The following EDRF1 variants were observed in gnomAD, a reference collection of about 807,000 sequenced individuals.
The protein encoded by EDRF1 is erythroid differentiation regulatory factor 1, also known as erythroid differentiation-related factor 1.
Under a neutral mutation model 148.7 loss-of-function variants are expected in EDRF1, and 69 were observed. The observed-to-expected ratio is 0.46, with a 90% confidence interval of 0.38 to 0.57. The LOEUF is 0.57. Among genes scored for constraint, EDRF1 ranks in the 20% least tolerant of loss-of-function variants. EDRF1 has a pLI of 0.00. For missense variants in EDRF1, 1,118 were observed against 1,478.7 expected (o/e 0.76, Z 4.00); for synonymous variants, 515 against 532.8 (o/e 0.97, Z 0.46).
At chr10:125,727,134 A>G (rs1369472466) in intron 6 of EDRF1, among the ~76,000 whole-genome samples, 1 of 152,182 alleles carries the variant, frequency 6.6e-6, no homozygotes, top group African/African-American at 2.4e-5. Flanking sequence ...CGAAACTCTC[A>G]GGCTAGGGCT....
chr10:125,722,899 G>GA (rs941090596), intron 2 of EDRF1, among the ~76,000 whole-genome samples, 169 bp from the exon 3 acceptor site: 4 of 151,194 alleles, frequency 2.6e-5, no homozygotes, highest in Non-Finnish European at 4.4e-5. Context: ...GTACCACTAA[G>GA]AAAAAAAAAC....
chr10:125,733,723 G>A lies in EDRF1; in HGVS notation c.1365G>A (p.Pro455=), dbSNP rs370818872. ...AATACCAAAATCCATTCACAATGCC[G>A]GTAGCCATTCTCTTGTACAAGTGAG... The part of the protein sequence containing the change: ...EDKYQNPFTM[P]VAILLYKVAC... The change falls in exon 11 of 25, where the codon CCG becomes CCA. Residue 455 remains proline, a synonymous_variant. Coordinates refer to ENST00000356792, the MANE Select transcript of EDRF1 (RefSeq NM_001202438.2). The A allele has an allele frequency of 9.9e-6, 16 of 1,612,806 alleles. No individual in the cohort carries two copies. The East Asian group carries it at 1.6e-4, about 16-fold the overall frequency.
At position 125,735,885 on chromosome 10, in the gene EDRF1, A is replaced by G. The variant is rs765646183; in HGVS notation, c.1739A>G (p.Lys580Arg). ...VGELSVPEKY[K>R]SIHQIRPSCA... ...GAACTATCAGTACCAGAAAAATACA[A>G]ATCTATTCATCAAATCAGAGTAAGC... The change falls in exon 13 of 25, where the codon AAA becomes AGA. Residue 580 changes from lysine (K) to arginine (R), a missense_variant. Lys to Arg is a conservative substitution (Grantham distance 26, BLOSUM62 2). Around this residue, in one of 3 missense-constraint regions of EDRF1, gnomAD observed 954 missense variants for 1,241.4 expected, o/e 0.77. Coordinates refer to ENST00000356792, the MANE Select transcript of EDRF1 (RefSeq NM_001202438.2). The G allele has an allele frequency of 1.2e-6, 2 of 1,609,424 alleles. No homozygotes were observed. Among genetic ancestry groups the G allele is most frequent in the Non-Finnish European group, 1.7e-6 (2 of 1,176,600 alleles).
intron 17 of EDRF1, 162 bp from the exon 18 acceptor site, chr10:125,742,896 C>A: frequency 1.2e-6 from 1 of 844,438 alleles, no homozygotes; most frequent in Non-Finnish European, 1.4e-6. Flanking sequence ...ATAAATAGAT[C>A]TTTATTATGA....
chr10:125,720,313 A>G (rs1268999957), intron 1 of EDRF1, among the ~76,000 whole-genome samples: 1 of 152,164 alleles, frequency 6.6e-6, no homozygotes, highest in Non-Finnish European at 1.5e-5. Context: ...TTGAACCCAG[A>G]CGCCGAACTT....
intron 24 of EDRF1, among the ~76,000 whole-genome samples, chr10:125,759,196 C>G (rs1203060814): frequency 6.6e-6 from 1 of 152,184 alleles, no homozygotes; most frequent in Non-Finnish European, 1.5e-5. Context: ...CCTGACTCCA[C>G]AGAGGCCCTA....
intron 18 of EDRF1, among the ~76,000 whole-genome samples, chr10:125,744,219 CTTTTT>C (rs779660582): frequency 1.5e-5 from 2 of 135,338 alleles, no homozygotes; most frequent in East Asian, 2.1e-4. Context: ...TTGGTTGTTT[CTTTTT>C]TTTTTTTTTT....
intron 20 of EDRF1, 34 bp from the exon 21 acceptor site, chr10:125,747,829 C>CTTAT: frequency 6.2e-7 from 1 of 1,613,756 alleles, no homozygotes; most frequent in Non-Finnish European, 8.5e-7. Context: ...AGATTAGAAG[C>CTTAT]TTATTTTTTT....
chr10:125,740,409 G>T, intron 15 of EDRF1, 54 bp from the exon 16 acceptor site: 1 of 1,569,716 alleles, frequency 6.4e-7, no homozygotes. Flanking sequence ...TTTTGTGCAT[G>T]AGACTTACAG....
intron 2 of EDRF1, among the ~76,000 whole-genome samples, chr10:125,722,377 G>A (rs1044295982): frequency 1.3e-5 from 2 of 152,202 alleles, no homozygotes; most frequent in East Asian, 1.9e-4. Context: ...GCTGAGAAGA[G>A]CTAAATAATT....
chr10:125,723,772 A>G, intron 3 of EDRF1, 39 bp from the exon 4 acceptor site: 3 of 1,584,432 alleles, frequency 1.9e-6, no homozygotes, highest in Non-Finnish European at 2.6e-6. Context: ...TCACACTAAA[A>G]CAGTCTTTCT....
Position 125,723,956 on chromosome 10 carries a change from A to G in EDRF1, c.510+20A>G. On this transcript the variant is annotated intron_variant, in intron 4 of 24. Transcript: ENST00000356792. ...TCTCAGGTAATGCTTTTGTGAAAAA[A>G]TCCAACAAAACATTAACAGCTTAAG... 1 of 1,612,398 alleles carries G rather than the reference A, an allele frequency of 6.2e-7. No individual in the cohort carries two copies. Among genetic ancestry groups the G allele is most frequent in the South Asian group, 1.1e-5 (1 of 90,966 alleles).
chr10:125,722,038 G>A (rs190802119), intron 2 of EDRF1, among the ~76,000 whole-genome samples: 1 of 152,222 alleles, frequency 6.6e-6, no homozygotes, highest in Admixed American at 6.5e-5. Context: ...GTAGCAAGAG[G>A]CACAAATACA....
At position 125,730,329 on chromosome 10, in the gene EDRF1, A is replaced by G. The variant is rs1414614549; in HGVS notation, c.1058A>G (p.Tyr353Cys). ...KPINVLTGID[Y>C]WLDNLICNVP... ...ATTAATGTGCTAACTGGAATTGACT[A>G]TTGGTTGGACAACTTGATATGCAAT... Residue 353 changes from tyrosine to cysteine, a missense_variant, in exon 9 of 25, where the codon TAT becomes TGT. Tyr to Cys is a radical substitution (Grantham distance 194). This residue lies in a region of EDRF1 where 954 missense variants were observed against 1,241.4 expected (regional missense o/e 0.77). Transcript: ENST00000356792. 9.9e-6 allele frequency: 16 copies of G among 1,613,848 alleles called. No homozygotes were observed. The highest frequency in any genetic ancestry group is 1.3e-5 in the African/African-American group (1 of 74,922).
intron 24 of EDRF1, among the ~76,000 whole-genome samples, chr10:125,758,676 T>G (rs375582850): frequency 4.4e-4 from 67 of 152,300 alleles, no homozygotes; most frequent in African/African-American, 1.6e-3. Flanking sequence ...TACCTTCAGC[T>G]CTAGGTCTTT....
At chr10:125,747,169 A>G (rs1470629616) in intron 19 of EDRF1, 1 of 199,730 alleles carries the variant, frequency 5.0e-6, no homozygotes, top group East Asian at 1.3e-4. Flanking sequence ...TTTACGTAAA[A>G]TTTGGCAAGT....
intron 21 of EDRF1, chr10:125,748,862 C>G (rs1849507976): frequency 5.6e-6 from 1 of 179,674 alleles, no homozygotes; most frequent in South Asian, 1.2e-4. Context: ...AAAGACTACT[C>G]CTCTGCTGCA....
chr10:125,744,605 G>A (rs1046817056), intron 18 of EDRF1: 18 of 152,410 alleles, frequency 1.2e-4, no homozygotes, highest in Admixed American at 4.6e-4. Context: ...GGCAGTCAGT[G>A]AGGGAGCCTG....
intron 18 of EDRF1, chr10:125,745,098 G>A (rs979449373): frequency 2.5e-5 from 4 of 160,442 alleles, no homozygotes; most frequent in African/African-American, 9.6e-5. Flanking sequence ...CAGCATGAAT[G>A]TGCTGGACAA....
Sources: gnomAD v4.1 joint callset for allele counts (sites outside exome capture counted in the v4.1 genomes callset) on GRCh38, gnomAD v4.1.1 for gene constraint, gnomAD v4.1.1 regional missense constraint, MANE v1.5 for transcripts, NCBI Gene and HGNC (gene_info 2026-07-23, HGNC 2026-07-21) for gene names.